CNNM2: variants seen among roughly 807,000 people sequenced by gnomAD.
CNNM2 encodes the protein cyclin and CBS domain divalent metal cation transport mediator 2, also known as metal transporter CNNM2.
Under a neutral mutation model 66.9 loss-of-function variants are expected in CNNM2, and 12 were observed. The ratio of observed to expected loss-of-function variants is 0.18; its 90% CI spans 0.11 to 0.29. CNNM2 has a LOEUF of 0.29. Ranked by LOEUF, CNNM2 falls within the 10% of genes least tolerant of loss-of-function variation. The pLI is 1.00. For synonymous variants in CNNM2, 557 were observed against 501.8 expected (o/e 1.11, Z -1.47); for missense variants, 705 against 1,167.7 (o/e 0.60, Z 5.77).
rs925802103 is a variant in CNNM2, at chr10:103,087,905, G to C, written c.*10725G>C. 9 of 152,210 alleles carry C rather than the reference G, an allele frequency of 5.9e-5. No individual in the cohort carries two copies. The highest frequency in any genetic ancestry group is 2.2e-4 in the African/African-American group (9 of 41,452). The allele number at this position is 152,210 out of a possible 1,614,324, so 9.4% of individuals were successfully genotyped here. ...AGACAGACAGTATATCCTTGACTAA[G>C]TTATCAGGCTGTGTTCTCTGCTTAT... On this transcript the variant is annotated 3_prime_UTR_variant, in exon 8 of 8. Transcript: ENST00000369878.
At position 103,077,394 on chromosome 10, in the gene CNNM2, C is replaced by T. The variant is rs1282019276; in HGVS notation, c.*214C>T. On this transcript the variant is annotated 3_prime_UTR_variant, in exon 8 of 8. Coordinates refer to ENST00000369878, the MANE Select transcript of CNNM2 (RefSeq NM_017649.5). ...TGTGAAGTTGGCAGCCGGGGCATGG[C>T]GTTCAAGATTTTGGAGATGAACTGA... 3.5e-5 allele frequency: 18 copies of T among 520,538 alleles called. No individual in the cohort carries two copies. Among genetic ancestry groups the T allele is most frequent in the South Asian group, 2.9e-4 (9 of 30,586 alleles). 32.2% of individuals were successfully genotyped at this position (520,538 alleles called of 1,614,324 possible).
intron 1 of CNNM2, among the ~76,000 whole-genome samples, chr10:102,995,977 G>A (rs2063992446): frequency 6.6e-6 from 1 of 152,200 alleles, no homozygotes; most frequent in Non-Finnish European, 1.5e-5. Context: ...TGGGATCACA[G>A]GCATGAGCCA....
At chr10:102,943,665 C>T (rs765398594) in intron 1 of CNNM2, among the ~76,000 whole-genome samples, 2 of 152,282 alleles carry the variant, frequency 1.3e-5, no homozygotes, top group South Asian at 4.1e-4. Flanking sequence ...GTTTGTAGAG[C>T]TCTTCATACT....
At chr10:102,926,345 T>C (rs1322577954) in intron 1 of CNNM2, among the ~76,000 whole-genome samples, 1 of 152,222 alleles carries the variant, frequency 6.6e-6, no homozygotes, top group Non-Finnish European at 1.5e-5. Flanking sequence ...AAGTAGGAGC[T>C]GGATGAAGCG....
Position 102,918,441 on chromosome 10 carries a change from C to G in CNNM2, c.-40C>G. ...GGGCCGGTACCTGCGCTCGCGCCGC[C>G]GGGTTGAAAGGATGAAGCCGCAGCT... On this transcript the variant is annotated 5_prime_UTR_variant, in exon 1 of 8. Transcript: ENST00000369878. This position sits in a 1 kb window ranked among gnomAD's most constrained non-coding sequence, Gnocchi z 4.1. 6.3e-7 allele frequency: 1 copy of G among 1,582,956 alleles called. No individual in the cohort carries two copies. The highest frequency in any genetic ancestry group is 2.3e-5 in the East Asian group (1 of 43,570).
intron 1 of CNNM2, among the ~76,000 whole-genome samples, chr10:103,017,662 G>A (rs2064480389): frequency 6.6e-6 from 1 of 152,118 alleles, no homozygotes; most frequent in South Asian, 2.1e-4. Flanking sequence ...ACAGCAAGAA[G>A]TGCCTAGAGA....
chr10:102,918,403 C>T lies in CNNM2; in HGVS notation c.-78C>T, dbSNP rs1845490467. 3 of 1,543,092 alleles carry T rather than the reference C, an allele frequency of 1.9e-6. No individual in the cohort carries two copies. The highest frequency in any genetic ancestry group is 2.0e-5 in the Admixed American group (1 of 50,954). On this transcript the variant is annotated 5_prime_UTR_variant, in exon 1 of 8. Transcript: ENST00000369878. The surrounding 1 kb of genome is among the most constrained non-coding windows in gnomAD (Gnocchi z 4.1). ...AGCACTGGCCGCGGACGCTCCGTTG[C>T]AGTCTCGCCCAGGGGCCGGTACCTG... is the stretch of plus-strand genomic sequence containing the variant.
At chr10:102,978,179 G>T (rs1417856250) in intron 1 of CNNM2, among the ~76,000 whole-genome samples, 1 of 151,516 alleles carries the variant, frequency 6.6e-6, no homozygotes, top group Non-Finnish European at 1.5e-5. Flanking sequence ...AAAGTGCTGG[G>T]ATGACGGACG....
intron 1 of CNNM2, among the ~76,000 whole-genome samples, chr10:103,043,204 G>A (rs903669558): frequency 2.6e-5 from 4 of 152,144 alleles, no homozygotes; most frequent in African/African-American, 9.7e-5. Flanking sequence ...CCTGCTGTTT[G>A]AGTGGCATTT....
At position 102,958,459 on chromosome 10, in the gene CNNM2, G is replaced by GTTTTTT. The variant is rs33992570; in HGVS notation, c.1621+38383_1621+38388dup. 3.1e-4 allele frequency among the ~76,000 whole-genome samples: 16 copies of GTTTTTT among 51,748 alleles called. No homozygotes were observed. Among genetic ancestry groups the GTTTTTT allele is most frequent in the Non-Finnish European group, 3.5e-4 (10 of 28,418 alleles). 33.9% of individuals were successfully genotyped at this position (51,748 alleles called of 152,430 possible). On this transcript the variant is annotated intron_variant, in intron 1 of 7. Coordinates refer to ENST00000369878, the MANE Select transcript of CNNM2 (RefSeq NM_017649.5). ...GACTTGTTCTGAATTCAAGCAACTT[G>GTTTTTT]TTTTTTTTTTTTTTTTTTTTTTTTT...
At chr10:102,931,953 G>T (rs746544166) in intron 1 of CNNM2, among the ~76,000 whole-genome samples, 8 of 151,108 alleles carry the variant, frequency 5.3e-5, no homozygotes, top group African/African-American at 1.9e-4. Flanking sequence ...ATCTCTTCAC[G>T]TGCTTACTGG....
intron 1 of CNNM2, among the ~76,000 whole-genome samples, chr10:102,998,188 A>T (rs961883290): frequency 1.3e-5 from 2 of 152,222 alleles, no homozygotes; most frequent in African/African-American, 4.8e-5. Context: ...AATGCAAATA[A>T]TGACTTCAGG....
Position 102,919,381 on chromosome 10 carries a change from T to G in CNNM2, c.901T>G (p.Tyr301Asp). The G allele has an allele frequency of 6.2e-7, 1 of 1,612,258 alleles. No homozygotes were observed. The highest frequency in any genetic ancestry group is 8.5e-7 in the Non-Finnish European group (1 of 1,180,028). Residue 301 changes from tyrosine (Y) to aspartate (D), a missense_variant, in exon 1 of 8, where the codon TAC becomes GAC. Physicochemically the swap from Tyr to Asp is radical, Grantham distance 160 (BLOSUM62 -3). This residue lies in a region of CNNM2 where 49 missense variants were observed against 183.7 expected (regional missense o/e 0.27). Coordinates refer to ENST00000369878, the MANE Select transcript of CNNM2 (RefSeq NM_017649.5). Reference protein sequence around the residue: ...QNCGTEKEKNYAKRIEPVRRQ... With the variant: ...QNCGTEKEKNDAKRIEPVRRQ... ...CTGCGGCACGGAGAAGGAGAAGAAT[T>G]ACGCCAAGCGCATCGAGCCGGTGCG... is the stretch of plus-strand genomic sequence containing the variant.
chr10:103,034,959 C>T (rs1055134387), intron 1 of CNNM2, among the ~76,000 whole-genome samples: 5 of 83,664 alleles, frequency 6.0e-5, no homozygotes, highest in Non-Finnish European at 1.3e-4. Context: ...GGCGACAGAG[C>T]GAGACTCCGT....
Position 103,089,811 on chromosome 10 carries a change from T to C in CNNM2, c.*12631T>C. The C allele has an allele frequency of 6.2e-7, 1 of 1,614,098 alleles. No individual in the cohort carries two copies. Among genetic ancestry groups the C allele is most frequent in the Non-Finnish European group, 8.5e-7 (1 of 1,179,992 alleles). On this transcript the variant is annotated 3_prime_UTR_variant, in exon 8 of 8. Coordinates refer to ENST00000369878, the MANE Select transcript of CNNM2 (RefSeq NM_017649.5). The stretch of plus-strand genomic sequence containing the variant: ...CAGCTGGTGCCGCTTGTAGTCAGTG[T>C]CTTTGAAATCCACTGATGTGCGGTT...
At chr10:103,050,329 C>T (rs751955706) in intron 2 of CNNM2, among the ~76,000 whole-genome samples, 40 of 151,938 alleles carry the variant, frequency 2.6e-4, no homozygotes, top group Non-Finnish European at 5.0e-4. Flanking sequence ...GTCAGGAGTT[C>T]GAGACTAGCC....
At chr10:103,018,184 G>A (rs984791619) in intron 1 of CNNM2, among the ~76,000 whole-genome samples, 10 of 152,078 alleles carry the variant, frequency 6.6e-5, no homozygotes, top group African/African-American at 2.4e-4. Flanking sequence ...TTGTAATTCA[G>A]GGGAGAAAGA....
Position 103,056,838 on chromosome 10 carries a change from T to C in CNNM2, c.1947T>C (p.Leu649=). The C allele has an allele frequency of 6.2e-7, 1 of 1,614,006 alleles. No homozygotes were observed. Among genetic ancestry groups the C allele is most frequent in the South Asian group, 1.1e-5 (1 of 91,082 alleles). ...CATCCCAGATGTCAGAGAAGATCCT[T>C]CTAAGGCTGCTAAAGCACCCCAATG... is the stretch of plus-strand genomic sequence containing the variant. ...FSPSQMSEKI[L]LRLLKHPNVI... is the part of the protein sequence containing the mutation. Residue 649 remains leucine, a synonymous_variant, in exon 4 of 8, where the codon CTT becomes CTC. Coordinates refer to ENST00000369878, the MANE Select transcript of CNNM2 (RefSeq NM_017649.5).
At position 102,925,296 on chromosome 10, in the gene CNNM2, C is replaced by CAAAAAAAAAAA. The variant is rs10624810; in HGVS notation, c.1621+5215_1621+5225dup. On this transcript the variant is annotated intron_variant, in intron 1 of 7. Coordinates refer to ENST00000369878, the MANE Select transcript of CNNM2 (RefSeq NM_017649.5). ...GGGCAACAAGAGCGAAACTCCATCT[C>CAAAAAAAAAAA]AAAAAAAAAAAAAAAAAAAAAAAAA... Among the ~76,000 whole-genome samples, 14 of 17,762 alleles carry CAAAAAAAAAAA rather than the reference C, an allele frequency of 7.9e-4. 1 individual carries two copies. The East Asian group carries it at 0.011, about 14-fold the overall frequency. The allele number at this position is 17,762 out of a possible 152,430, so 11.7% of individuals were successfully genotyped here.
Sources: gnomAD v4.1 joint callset for allele counts (sites outside exome capture counted in the v4.1 genomes callset) on GRCh38, gnomAD v4.1.1 for gene constraint, gnomAD v4.1.1 regional missense constraint, Gnocchi (gnomAD v3.1) non-coding constraint, MANE v1.5 for transcripts, NCBI Gene and HGNC (gene_info 2026-07-23, HGNC 2026-07-21) for gene names.